The following ZNF200 variants were observed in gnomAD, a reference collection of about 807,000 sequenced individuals.
ZNF200 encodes the protein zinc finger protein 200.
In ZNF200, 35 loss-of-function variants were observed where a neutral mutation model predicts 33.6. The ratio of observed to expected loss-of-function variants is 1.04; its 90% CI spans 0.80 to 1.38. The LOEUF is 1.38. Ranked by LOEUF, ZNF200 falls within the 40% of genes most tolerant of loss-of-function variation. The probability of loss-of-function intolerance (pLI) is 0.00; values close to 1 mark genes in which losing one functional copy is unlikely to be tolerated. For missense variants in ZNF200, 592 were observed against 470.6 expected (o/e 1.26, Z -2.39); for synonymous variants, 209 against 167.7 (o/e 1.25, Z -1.90).
chr16:3,229,646 A>T (rs1433201023), intron 4 of ZNF200, among the ~76,000 whole-genome samples: 1 of 152,172 alleles, frequency 6.6e-6, no homozygotes. Flanking sequence ...CGGGCAGATC[A>T]CAAGGTCAGG....
rs543602600 is a variant in ZNF200, at chr16:3,223,495, G to C, written c.*397C>G. ...AACACAGTTCCAGATAAGCATCTTT[G>C]CACTATTTCTCAAGTATGAATCCCC... On this transcript the variant is annotated 3_prime_UTR_variant, in exon 5 of 5. Transcript: ENST00000414144. 1 of 164,634 alleles carries C rather than the reference G, an allele frequency of 6.1e-6. No individual in the cohort carries two copies. Among genetic ancestry groups the C allele is most frequent in the East Asian group, 1.8e-4 (1 of 5,570 alleles). The allele number at this position is 164,634 out of a possible 1,614,324, so 10.2% of individuals were successfully genotyped here.
intron 1 of ZNF200, 73 bp from the exon 2 acceptor site, chr16:3,233,909 C>G (rs12598599): frequency 0.48 from 594,040 of 1,241,280 alleles, 143,983 homozygotes; most frequent in Admixed American, 0.6. Flanking sequence ...TGTGGCATGG[C>G]TGGTGAGGCT....
chr16:3,230,770 T>A (rs1324823145), intron 4 of ZNF200, among the ~76,000 whole-genome samples: 1 of 152,202 alleles, frequency 6.6e-6, no homozygotes, highest in African/African-American at 2.4e-5. Context: ...TGAACTCCAA[T>A]CCCCAATTTC....
At chr16:3,232,972 A>T in intron 2 of ZNF200, 51 bp from the exon 3 acceptor site, 2 of 1,536,092 alleles carry the variant, frequency 1.3e-6, no homozygotes, top group Non-Finnish European at 1.8e-6. Context: ...ACTCTAACAC[A>T]GAGACTCCCC....
rs1302228745 is a variant in ZNF200 at position 3,224,288 on chromosome 16, A to G, written c.792T>C (p.Ser264=). ...TCCTCTGGTGGGAAATGAGGTAAGA[A>G]CTTTCATTAAACTGTTTCCCACACA... ...CPLCGKQFNE[S]SYLISHQRTH... is the part of the protein sequence containing the mutation. The change falls in exon 5 of 5, where the codon AGT becomes AGC. Residue 264 remains serine (S), a synonymous_variant. Transcript: ENST00000414144. 1.2e-6 allele frequency: 2 copies of G among 1,614,144 alleles called. No individual in the cohort carries two copies. The highest frequency in any genetic ancestry group is 3.3e-5 in the Admixed American group (2 of 60,010).
chr16:3,233,570 G>A lies in ZNF200; in HGVS notation c.186C>T (p.Pro62=). The A allele has an allele frequency of 6.2e-7, 1 of 1,609,808 alleles. No homozygotes were observed. The highest frequency in any genetic ancestry group is 8.5e-7 in the Non-Finnish European group (1 of 1,177,958). ...CCAAGGTCTCCTTGACTTTCTGACT[G>A]GGCTGGACCAGGCTTGGCTTGGGCA... ...TFLPKPSLVQ[P]SQKVKETLVI... Residue 62 remains proline, a synonymous_variant, in exon 2 of 5, where the codon CCC becomes CCT. Transcript: ENST00000414144.
intron 3 of ZNF200, 127 bp downstream of exon 3, chr16:3,232,706 G>T: frequency 7.1e-7 from 1 of 1,413,908 alleles, no homozygotes. Flanking sequence ...AGGCTGAGAA[G>T]GGCTCAAGGA....
chr16:3,223,853 T>C lies in ZNF200; in HGVS notation c.*39A>G, dbSNP rs1958392685. 1.3e-6 allele frequency: 2 copies of C among 1,553,780 alleles called. No individual in the cohort carries two copies. Among genetic ancestry groups the C allele is most frequent in the South Asian group, 1.2e-5 (1 of 80,852 alleles). On this transcript the variant is annotated 3_prime_UTR_variant, in exon 5 of 5. Coordinates refer to ENST00000414144, the MANE Select transcript of ZNF200 (RefSeq NM_198088.3). ...AGAACTACTTATGAAAGCTCTCAGG[T>C]TGAGGCAGCACCATCAGACCCAGAA...
chr16:3,228,531 G>A (rs1353496810), intron 4 of ZNF200, among the ~76,000 whole-genome samples: 3 of 151,706 alleles, frequency 2.0e-5, no homozygotes, highest in Non-Finnish European at 4.4e-5. Flanking sequence ...GTCTTGCTCT[G>A]TCCCCTAGGC....
At chr16:3,229,347 T>C (rs1383008764) in intron 4 of ZNF200, among the ~76,000 whole-genome samples, 1 of 151,964 alleles carries the variant, frequency 6.6e-6, no homozygotes, top group East Asian at 1.9e-4. Flanking sequence ...AAGCCTCTGA[T>C]TCAAAGTTAG....
chr16:3,230,331 T>C (rs1958602785), intron 4 of ZNF200, among the ~76,000 whole-genome samples: 1 of 152,262 alleles, frequency 6.6e-6, no homozygotes, highest in African/African-American at 2.4e-5. Flanking sequence ...AGTTTTAAAT[T>C]TTCCAGGTGG....
At chr16:3,232,744 G>T in intron 3 of ZNF200, 89 bp downstream of exon 3, 1 of 1,471,176 alleles carries the variant, frequency 6.8e-7, no homozygotes, top group East Asian at 2.3e-5. Context: ...ACCCAAGAAG[G>T]CCAACTCCTA....
At position 3,224,157 on chromosome 16, in the gene ZNF200, T is replaced by A. The variant is rs1386996161; in HGVS notation, c.923A>T (p.Tyr308Phe). Reference protein sequence around the residue: ...HERIHTGEKPYSCSQCGKNFR... With the variant: ...HERIHTGEKPFSCSQCGKNFR... ...GTTTTTTCCACACTGAGAACAGGAA[T>A]AAGGTTTCTCTCCTGTATGAATTCG... is the stretch of plus-strand genomic sequence containing the variant. The change falls in exon 5 of 5, where the codon TAT (tyrosine) becomes TTT (phenylalanine). Residue 308 changes from tyrosine (Y) to phenylalanine (F), a missense_variant. Physicochemically the swap from Tyr to Phe is conservative, Grantham distance 22 (BLOSUM62 3). Coordinates refer to ENST00000414144, the MANE Select transcript of ZNF200 (RefSeq NM_198088.3). 1 of 1,614,178 alleles carries A rather than the reference T, an allele frequency of 6.2e-7. No individual in the cohort carries two copies. Among genetic ancestry groups the A allele is most frequent in the Non-Finnish European group, 8.5e-7 (1 of 1,180,030 alleles).
rs61731425 is a variant in ZNF200 at position 3,232,476 on chromosome 16, T to C, written c.411A>G (p.Gln137=). 2,696 of 1,614,104 alleles carry C rather than the reference T, an allele frequency of 1.7e-3. 40 individuals carry two copies. The African/African-American group carries it at 0.031, about 18-fold the overall frequency. Residue 137 remains glutamine, a synonymous_variant, in exon 4 of 5, where the codon CAA becomes CAG. Transcript: ENST00000414144. The part of the protein sequence containing the change: ...QEECVSLDPT[Q]QLTSEKEDDS... ...CATCTTCCTTCTCTGACGTGAGTTG[T>C]TGAGTAGGATCCAAGCTCACACATT...
chr16:3,233,027 A>C, intron 2 of ZNF200, 106 bp from the exon 3 acceptor site: 13 of 994,082 alleles, frequency 1.3e-5, no homozygotes, highest in Non-Finnish European at 1.8e-5. Flanking sequence ...CAGGTAACTC[A>C]TGGCCTTTTC....
Position 3,224,546 on chromosome 16 carries a change from T to C in ZNF200, c.534A>G (p.Arg178=). The C allele has an allele frequency of 1.9e-6, 3 of 1,613,196 alleles. No individual in the cohort carries two copies. The highest frequency in any genetic ancestry group is 2.5e-6 in the Non-Finnish European group (3 of 1,179,396). The change falls in exon 5 of 5, where the codon AGA becomes AGG. Residue 178 remains arginine (R), a synonymous_variant. Coordinates refer to ENST00000414144, the MANE Select transcript of ZNF200 (RefSeq NM_198088.3). ...EREPVENEDY[R]EKSSDDDEMD... Reference sequence around the variant, plus strand: ...TTTCATCATCATCTGAAGACTTTTCTCTATAATCTTCATTTTCTACAGGTT... The same window carrying C: ...TTTCATCATCATCTGAAGACTTTTCCCTATAATCTTCATTTTCTACAGGTT...
Position 3,222,377 on chromosome 16 carries a change from C to A in ZNF200, c.*1515G>T, listed in dbSNP as rs1268167045. 1 of 152,008 alleles carries A rather than the reference C, an allele frequency of 6.6e-6. No individual in the cohort carries two copies. Among genetic ancestry groups the A allele is most frequent in the East Asian group, 1.9e-4 (1 of 5,202 alleles). The allele number at this position is 152,008 out of a possible 1,614,324, so 9.4% of individuals were successfully genotyped here. ...ATGGTGTCATTTTACCAAAAGTTAACAGAACTAAACCAACAAACTATTGAA... is the reference window on the plus strand; with the variant it reads ...ATGGTGTCATTTTACCAAAAGTTAAAAGAACTAAACCAACAAACTATTGAA... On this transcript the variant is annotated 3_prime_UTR_variant, in exon 5 of 5. Transcript: ENST00000414144.
chr16:3,231,923 T>A (rs535230073), intron 4 of ZNF200, among the ~76,000 whole-genome samples: 88 of 152,332 alleles, frequency 5.8e-4, no homozygotes, highest in African/African-American at 2.0e-3. Context: ...CATGAGAGAA[T>A]AAACACATGA....
At chr16:3,232,633 A>G (rs1958665544) in intron 3 of ZNF200, 86 bp from the exon 4 acceptor site, 1 of 1,566,946 alleles carries the variant, frequency 6.4e-7, no homozygotes. Flanking sequence ...CACAAAGATC[A>G]AGGGAAGGGA....
Sources: gnomAD v4.1 joint callset for allele counts (sites outside exome capture counted in the v4.1 genomes callset) on GRCh38, gnomAD v4.1.1 for gene constraint, MANE v1.5 for transcripts, NCBI Gene and HGNC (gene_info 2026-07-23, HGNC 2026-07-21) for gene names.